Variants in CSMD1 observed in about 807,000 individuals in gnomAD.
CSMD1 encodes CUB and sushi domain-containing protein 1.
A neutral mutation model predicts 417.5 loss-of-function variants in CSMD1; 213 were observed. The observed-to-expected ratio is 0.51, with a 90% confidence interval of 0.46 to 0.57. The LOEUF (loss-of-function observed/expected upper bound fraction) is 0.57, where lower values mean the gene tolerates loss of function less well. CSMD1 is among the 20% of genes least tolerant of loss of function. CSMD1 has a pLI of 0.00. For missense variants in CSMD1, 6,923 were observed against 4,529.7 expected, an observed-to-expected ratio of 1.53 and a Z score of -15.17; for synonymous variants, 2,862 against 1,736.8, an observed-to-expected ratio of 1.65 and a Z score of -16.11.
rs139906599 is a variant in CSMD1 at position 3,615,310 on chromosome 8, G to C, written c.1097+1400C>G. Among the ~76,000 whole-genome samples, 210 of 152,260 alleles carry C rather than the reference G, an allele frequency of 1.4e-3. 2 individuals are homozygous for C. The highest frequency in any genetic ancestry group is 4.7e-3 in the African/African-American group (195 of 41,574). ...TGCCCCAGAACTCGCCATGGAAACA[G>C]ACTGAAGTGAGTCTCCAGTAAAAAC... On this transcript the variant is annotated intron_variant, in intron 8 of 69. Coordinates refer to ENST00000635120, the MANE Select transcript of CSMD1 (RefSeq NM_033225.6).
chr8:4,318,039 TA>T (rs1799037539), intron 3 of CSMD1, among the ~76,000 whole-genome samples: 1 of 152,172 alleles, frequency 6.6e-6, no homozygotes, highest in African/African-American at 2.4e-5. Context: ...TAGCAATATA[TA>T]AAATTGTGCG....
intron 26 of CSMD1, among the ~76,000 whole-genome samples, chr8:3,277,475 A>G (rs13257063): frequency 0.27 from 41,759 of 151,948 alleles, 5,966 homozygotes; most frequent in African/African-American, 0.34. Context: ...TTTTGGATCT[A>G]TTTTGAATAG....
chr8:3,820,688 G>A (rs13279706), intron 5 of CSMD1, among the ~76,000 whole-genome samples: 25,454 of 152,148 alleles, frequency 0.17, 2,755 homozygotes, highest in Middle Eastern at 0.26. Flanking sequence ...CTATTCTCTT[G>A]CCTTAGCCTC....
At chr8:3,995,927 T>C (rs946752328) in intron 5 of CSMD1, among the ~76,000 whole-genome samples, 2 of 152,130 alleles carry the variant, frequency 1.3e-5, no homozygotes, top group African/African-American at 4.8e-5. Context: ...GAGATTCCAG[T>C]GATGTAGAAG....
intron 2 of CSMD1, among the ~76,000 whole-genome samples, chr8:4,470,773 T>TTTG: frequency 6.6e-6 from 1 of 152,218 alleles, no homozygotes; most frequent in Non-Finnish European, 1.5e-5. Flanking sequence ...CCCAGATTAT[T>TTTG]TAGACAATAT....
intron 1 of CSMD1, among the ~76,000 whole-genome samples, chr8:4,760,745 A>G (rs1811985845): frequency 6.6e-6 from 1 of 152,200 alleles, no homozygotes; most frequent in Admixed American, 6.6e-5. Context: ...GTTTGGGGAA[A>G]GTATTTTATC....
At chr8:3,527,587 T>C (rs576744782) in intron 10 of CSMD1, among the ~76,000 whole-genome samples, 21 of 151,116 alleles carry the variant, frequency 1.4e-4, no homozygotes, top group African/African-American at 4.6e-4. Flanking sequence ...CAGAACTCTA[T>C]ACACACACAC....
chr8:3,452,766 G>A (rs184519452), intron 12 of CSMD1, among the ~76,000 whole-genome samples: 1 of 152,136 alleles, frequency 6.6e-6, no homozygotes, highest in African/African-American at 2.4e-5. Context: ...AGGGATATTG[G>A]TCTAAAATTC....
At chr8:4,192,684 A>C (rs978501336) in intron 3 of CSMD1, among the ~76,000 whole-genome samples, 8 of 152,154 alleles carry the variant, frequency 5.3e-5, no homozygotes, top group Admixed American at 3.3e-4. Context: ...CTTAAATCTT[A>C]AATCTGTATT....
At chr8:3,935,487 T>C (rs545303665) in intron 5 of CSMD1, among the ~76,000 whole-genome samples, 19 of 152,302 alleles carry the variant, frequency 1.2e-4, no homozygotes, top group African/African-American at 4.3e-4. Flanking sequence ...ATTATTCCAA[T>C]TGCATCTACT....
At chr8:3,315,377 A>T (rs115582656) in intron 23 of CSMD1, among the ~76,000 whole-genome samples, 290 of 151,788 alleles carry the variant, frequency 1.9e-3, no homozygotes, top group African/African-American at 6.7e-3. Flanking sequence ...GAAATGTGTG[A>T]TTGTTCCATG....
intron 1 of CSMD1, among the ~76,000 whole-genome samples, chr8:4,894,169 G>A (rs1349064932): frequency 6.6e-6 from 1 of 151,960 alleles, no homozygotes; most frequent in Non-Finnish European, 1.5e-5. Flanking sequence ...CAGTTTTTAT[G>A]TTATTAGCTC....
intron 3 of CSMD1, among the ~76,000 whole-genome samples, chr8:4,144,211 G>A (rs1803972178): frequency 6.6e-6 from 1 of 150,886 alleles, no homozygotes; most frequent in African/African-American, 2.5e-5. Flanking sequence ...TAGATCTTGG[G>A]CTTCTTCCTT....
chr8:4,321,634 C>G (rs1029107250), intron 3 of CSMD1, among the ~76,000 whole-genome samples: 1 of 152,128 alleles, frequency 6.6e-6, no homozygotes, highest in Non-Finnish European at 1.5e-5. Context: ...TGCTCTACCT[C>G]TGCAAAGTTT....
At chr8:4,637,073 G>A (rs983487236) in intron 2 of CSMD1, among the ~76,000 whole-genome samples, 4 of 152,082 alleles carry the variant, frequency 2.6e-5, no homozygotes, top group Non-Finnish European at 2.9e-5. Context: ...GCAGCCCAAC[G>A]GGTTGGTCTC....
chr8:4,615,873 T>C (rs1387266630), intron 2 of CSMD1, among the ~76,000 whole-genome samples: 2 of 152,202 alleles, frequency 1.3e-5, no homozygotes, highest in Non-Finnish European at 2.9e-5. Flanking sequence ...GCATTCTTTT[T>C]TCACTGTTTT....
At chr8:4,815,747 T>A (rs1186006535) in intron 1 of CSMD1, among the ~76,000 whole-genome samples, 4 of 151,008 alleles carry the variant, frequency 2.6e-5, no homozygotes, top group Non-Finnish European at 5.9e-5. Context: ...TAAATCTTTT[T>A]AAAAGGAGTT....
chr8:4,514,079 A>T (rs926779845), intron 2 of CSMD1, among the ~76,000 whole-genome samples: 2 of 152,056 alleles, frequency 1.3e-5, no homozygotes, highest in African/African-American at 2.4e-5. Flanking sequence ...TTATTTTATT[A>T]TTATTATTAT....
Position 3,846,272 on chromosome 8 carries a change from G to C in CSMD1, c.819-92230C>G, listed in dbSNP as rs114769868. Among the ~76,000 whole-genome samples, 442 of 152,172 alleles carry C rather than the reference G, an allele frequency of 2.9e-3. 3 individuals carry two copies. Among genetic ancestry groups the C allele is most frequent in the African/African-American group, 0.01 (431 of 41,512 alleles). On this transcript the variant is annotated intron_variant, in intron 5 of 69. Transcript: ENST00000635120. ...TGCACCACGCTATGGCATTATGATC[G>C]CTACCATGTCAATAGGTGATAGGAA... is the stretch of plus-strand genomic sequence containing the variant.
Sources: gnomAD v4.1 joint callset for allele counts (sites outside exome capture counted in the v4.1 genomes callset) on GRCh38, gnomAD v4.1.1 for gene constraint, MANE v1.5 for transcripts, NCBI Gene and HGNC (gene_info 2026-07-23, HGNC 2026-07-21) for gene names.